SPAG16: variants seen among roughly 807,000 people sequenced by gnomAD.
SPAG16 encodes sperm-associated antigen 16 protein.
In SPAG16, 86 loss-of-function variants were observed where a neutral mutation model predicts 80.4. The observed-to-expected ratio is 1.07, with a 90% CI of 0.90 to 1.28. SPAG16 has a LOEUF of 1.28. Among genes scored for constraint, SPAG16 ranks in the 50% most tolerant of loss-of-function variants. The probability of loss-of-function intolerance (pLI) is 0.00; values close to 1 mark genes in which losing one functional copy is unlikely to be tolerated. For missense variants in SPAG16, 870 were observed against 765.3 expected (o/e 1.14, Z -1.61); for synonymous variants, 294 against 265.9 (o/e 1.11, Z -1.03).
At chr2:214,242,748 C>T (rs957811886) in intron 15 of SPAG16, among the ~76,000 whole-genome samples, 1 of 152,036 alleles carries the variant, frequency 6.6e-6, no homozygotes, top group African/African-American at 2.4e-5. Flanking sequence ...TTCAAAGTTA[C>T]CATAATTTGA....
intron 15 of SPAG16, among the ~76,000 whole-genome samples, chr2:214,248,732 A>G (rs1690037733): frequency 1.3e-5 from 2 of 152,190 alleles, no homozygotes; most frequent in South Asian, 2.1e-4. Context: ...TGAACAAATA[A>G]GTATATAAAG....
intron 12 of SPAG16, among the ~76,000 whole-genome samples, chr2:213,951,295 A>T (rs1419059087): frequency 6.6e-6 from 1 of 152,210 alleles, no homozygotes; most frequent in South Asian, 2.1e-4. Flanking sequence ...TTTGGTTGTC[A>T]TAATGATACA....
intron 15 of SPAG16, among the ~76,000 whole-genome samples, chr2:214,291,889 T>C (rs1693831579): frequency 6.6e-6 from 1 of 152,204 alleles, no homozygotes; most frequent in Non-Finnish European, 1.5e-5. Flanking sequence ...ATAGTAAATG[T>C]TGTCTTTTCG....
At chr2:214,195,341 G>A (rs62196167) in intron 15 of SPAG16, among the ~76,000 whole-genome samples, 9 of 17,928 alleles carry the variant, frequency 5.0e-4, no homozygotes, top group African/African-American at 2.0e-3. Flanking sequence ...AGATATTTGA[G>A]AGATATATAG....
chr2:213,406,427 T>C (rs2068608640), intron 9 of SPAG16, among the ~76,000 whole-genome samples: 1 of 152,242 alleles, frequency 6.6e-6, no homozygotes, highest in African/African-American at 2.4e-5. Flanking sequence ...GTTGTGTATA[T>C]ATACTAATTG....
At chr2:214,084,852 A>G (rs17813988) in intron 13 of SPAG16, among the ~76,000 whole-genome samples, 23,364 of 152,188 alleles carry the variant, frequency 0.15, 2,035 homozygotes, top group Admixed American at 0.2. Flanking sequence ...TGTCCTGGGG[A>G]TTACAAAGCA....
chr2:214,007,442 A>G (rs2047079988), intron 12 of SPAG16, among the ~76,000 whole-genome samples: 1 of 152,162 alleles, frequency 6.6e-6, no homozygotes, highest in African/African-American at 2.4e-5. Context: ...CAAAAAAAAA[A>G]AATGTGTGAA....
chr2:213,787,818 A>T (rs969055070), intron 10 of SPAG16, among the ~76,000 whole-genome samples: 1 of 152,054 alleles, frequency 6.6e-6, no homozygotes, highest in Non-Finnish European at 1.5e-5. Flanking sequence ...TATGAAATAA[A>T]ATTTTAAAAT....
chr2:213,996,039 A>C (rs2046500081), intron 12 of SPAG16, among the ~76,000 whole-genome samples: 1 of 152,238 alleles, frequency 6.6e-6, no homozygotes, highest in Non-Finnish European at 1.5e-5. Context: ...GTTTCATAAA[A>C]GATGAGAAAC....
At chr2:213,348,037 C>A (rs1397369665) in intron 6 of SPAG16, among the ~76,000 whole-genome samples, 1 of 152,092 alleles carries the variant, frequency 6.6e-6, no homozygotes, top group Non-Finnish European at 1.5e-5. Flanking sequence ...TTTTGTAGGT[C>A]TCTAAGGACT....
chr2:213,297,108 A>G, intron 2 of SPAG16, 154 bp from the exon 3 acceptor site: 3 of 1,477,424 alleles, frequency 2.0e-6, no homozygotes, highest in Non-Finnish European at 2.7e-6. Flanking sequence ...GAAAGCAGTT[A>G]TTCATTTTTC....
chr2:213,369,403 G>A (rs1275173567), intron 8 of SPAG16, among the ~76,000 whole-genome samples: 3 of 152,126 alleles, frequency 2.0e-5, no homozygotes, highest in Non-Finnish European at 4.4e-5. Context: ...TGTTTATAAG[G>A]TATGTAAAAT....
chr2:213,608,795 C>G lies in SPAG16; in HGVS notation c.1070+118705C>G, dbSNP rs966300815. Among the ~76,000 whole-genome samples, 5 of 152,238 alleles carry G rather than the reference C, an allele frequency of 3.3e-5. No homozygotes were observed. The East Asian group carries it at 9.6e-4, about 29-fold the overall frequency. ...CCGCCTCCTGCGTTCACGCCATTCT[C>G]CTGCCTCAGCCTCCCGAGTAGCTGG... is the stretch of plus-strand genomic sequence containing the variant. On this transcript the variant is annotated intron_variant, in intron 10 of 15. Coordinates refer to ENST00000331683, the MANE Select transcript of SPAG16 (RefSeq NM_024532.5).
At chr2:213,291,061 G>T (rs2062251321) in intron 1 of SPAG16, among the ~76,000 whole-genome samples, 1 of 152,178 alleles carries the variant, frequency 6.6e-6, no homozygotes, top group Non-Finnish European at 1.5e-5. Flanking sequence ...TACAGAGATG[G>T]TATCTGATTC....
chr2:214,168,423 C>T (rs898620039), intron 15 of SPAG16, among the ~76,000 whole-genome samples: 2 of 151,980 alleles, frequency 1.3e-5, no homozygotes, highest in Non-Finnish European at 2.9e-5. Context: ...AGTCTCTGCC[C>T]TTATTGTTTA....
chr2:213,942,036 C>T (rs944635229), intron 12 of SPAG16, among the ~76,000 whole-genome samples: 1 of 152,128 alleles, frequency 6.6e-6, no homozygotes, highest in Non-Finnish European at 1.5e-5. Context: ...ATTGTTTACA[C>T]CATTTTTTTT....
intron 13 of SPAG16, among the ~76,000 whole-genome samples, chr2:214,079,828 G>C (rs563192252): frequency 6.6e-6 from 1 of 152,132 alleles, no homozygotes; most frequent in Non-Finnish European, 1.5e-5. Context: ...CCAGGTTTTT[G>C]TCCTTGTTTA....
chr2:214,315,745 T>G (rs1695648258), intron 15 of SPAG16, among the ~76,000 whole-genome samples: 1 of 152,074 alleles, frequency 6.6e-6, no homozygotes, highest in South Asian at 2.1e-4. Flanking sequence ...TTGTCCAGGC[T>G]AGTCTCAAAC....
chr2:214,075,637 A>G (rs1303665951), intron 13 of SPAG16, among the ~76,000 whole-genome samples: 1 of 152,186 alleles, frequency 6.6e-6, no homozygotes, highest in Non-Finnish European at 1.5e-5. Flanking sequence ...TCATATCCTC[A>G]GGGGAATAAT....
Sources: gnomAD v4.1 joint callset for allele counts (sites outside exome capture counted in the v4.1 genomes callset) on GRCh38, gnomAD v4.1.1 for gene constraint, MANE v1.5 for transcripts, NCBI Gene and HGNC (gene_info 2026-07-23, HGNC 2026-07-21) for gene names.